TNFAIP8L3: variants seen among roughly 807,000 people sequenced by gnomAD.
The protein encoded by TNFAIP8L3 is TNF alpha induced protein 8 like 3.
Under a neutral mutation model 11.8 loss-of-function variants are expected in TNFAIP8L3, and 7 were observed. The ratio of observed to expected loss-of-function variants is 0.59; its 90% CI spans 0.34 to 1.11. The LOEUF (loss-of-function observed/expected upper bound fraction) is 1.11. Ranked by LOEUF, TNFAIP8L3 falls within the 50% of genes most tolerant of loss-of-function variation. The pLI is 0.03. For synonymous variants in TNFAIP8L3, 98 were observed against 103.8 expected (o/e 0.94, Z 0.34); for missense variants, 219 against 258.6 (o/e 0.85, Z 1.05).
chr15:51,100,824 A>C (rs2065545825), intron 1 of TNFAIP8L3, among the ~76,000 whole-genome samples: 1 of 151,976 alleles, frequency 6.6e-6, no homozygotes, highest in African/African-American at 2.4e-5. Context: ...GTAGAGACTT[A>C]GATTCTAGGC....
chr15:51,093,726 G>C (rs1370282057), intron 1 of TNFAIP8L3, among the ~76,000 whole-genome samples: 1 of 152,170 alleles, frequency 6.6e-6, no homozygotes, highest in Non-Finnish European at 1.5e-5. Context: ...ACCCGTGGGT[G>C]GGGGGCGGAG....
rs1555468325 is a variant in TNFAIP8L3 at position 51,087,919 on chromosome 15, T to TATATATA, written c.52+6624_52+6625insTATATAT. Among the ~76,000 whole-genome samples the TATATATA allele has an allele frequency of 2.9e-4, 29 of 101,552 alleles. 1 individual carries two copies. In the South Asian group the frequency reaches 9.7e-3, roughly 34 times the overall value. 66.6% of individuals were successfully genotyped at this position (101,552 alleles called of 152,430 possible). On this transcript the variant is annotated intron_variant, in intron 1 of 1. Transcript: ENST00000637513. ...AAAATAAAATTTTTCTAGCATACCTTTATATATATATATATATATATATGG... is the reference window on the plus strand; with the variant it reads ...AAAATAAAATTTTTCTAGCATACCTTATATATATATATATATATATATATATATATGG...
rs1248024709 is a variant in TNFAIP8L3 at position 51,094,769 on chromosome 15, G to A, written c.-174C>T. On this transcript the variant is annotated 5_prime_UTR_variant, in exon 1 of 2. Coordinates refer to ENST00000637513, the MANE Select transcript of TNFAIP8L3 (RefSeq NM_001311175.2). This position sits in a 1 kb window ranked among gnomAD's most constrained non-coding sequence, Gnocchi z 4.4. Reference sequence around the variant, plus strand: ...AGGGGGCGGCTCCGCAGAGGCGAGCGCCGCCGCGCCCCGCTCCCCGCGCCC... The same window carrying A: ...AGGGGGCGGCTCCGCAGAGGCGAGCACCGCCGCGCCCCGCTCCCCGCGCCC... The A allele has an allele frequency of 2.5e-5, 19 of 749,874 alleles. No homozygotes were observed. The highest frequency in any genetic ancestry group is 3.0e-4 in the East Asian group (1 of 3,364). The allele number at this position is 749,874 out of a possible 1,614,324, so 46.5% of individuals were successfully genotyped here. A position where few individuals can be genotyped will look rare whatever the true frequency, so the allele number is the denominator to read the frequency against.
intron 1 of TNFAIP8L3, among the ~76,000 whole-genome samples, chr15:51,059,028 C>T (rs2065225304): frequency 6.6e-6 from 1 of 152,186 alleles, no homozygotes; most frequent in Admixed American, 6.5e-5. Flanking sequence ...AGCTGTTGTG[C>T]TGTGGTTGTT....
intron 1 of TNFAIP8L3, among the ~76,000 whole-genome samples, chr15:51,093,773 C>A (rs895817528): frequency 3.9e-5 from 6 of 152,096 alleles, no homozygotes; most frequent in Non-Finnish European, 8.8e-5. Context: ...GGCGGCAAGT[C>A]GACCCACGGC....
chr15:51,068,660 G>GTTTTTTTTTTTT (rs113982459), intron 1 of TNFAIP8L3, among the ~76,000 whole-genome samples: 2 of 116,342 alleles, frequency 1.7e-5, no homozygotes, highest in African/African-American at 3.2e-5. Flanking sequence ...CACCCCTCCT[G>GTTTTTTTTTTTT]TTTTTTTTTT....
At chr15:51,093,396 A>G (rs1004318111) in intron 1 of TNFAIP8L3, among the ~76,000 whole-genome samples, 3 of 152,170 alleles carry the variant, frequency 2.0e-5, no homozygotes, top group African/African-American at 7.2e-5. Flanking sequence ...TCTCTGTAAA[A>G]TGAAAATAAC....
chr15:51,098,036 T>C (rs944434317), upstream of TNFAIP8L3, among the ~76,000 whole-genome samples: 1 of 152,232 alleles, frequency 6.6e-6, no homozygotes, highest in Non-Finnish European at 1.5e-5. Flanking sequence ...TATACGAGTT[T>C]CTACCACTCA....
upstream of TNFAIP8L3, among the ~76,000 whole-genome samples, chr15:51,098,714 A>T (rs564142758): frequency 6.6e-6 from 1 of 152,384 alleles, no homozygotes; most frequent in Non-Finnish European, 1.5e-5. Context: ...AATTGCAGTC[A>T]CGGTTAACAT....
intron 1 of TNFAIP8L3, among the ~76,000 whole-genome samples, chr15:51,082,215 A>G (rs922894341): frequency 1.3e-5 from 2 of 152,194 alleles, no homozygotes; most frequent in African/African-American, 4.8e-5. Context: ...GGTCAAGCCC[A>G]CTACCACCTA....
chr15:51,090,885 A>T (rs57322405), intron 1 of TNFAIP8L3, among the ~76,000 whole-genome samples: 2,648 of 152,246 alleles, frequency 0.017, 95 homozygotes, highest in African/African-American at 0.061. Context: ...GAAGGAGCTT[A>T]TCTGCCCTCA....
intron 1 of TNFAIP8L3, among the ~76,000 whole-genome samples, chr15:51,066,214 G>C (rs185279710): frequency 1.3e-5 from 2 of 151,280 alleles, no homozygotes; most frequent in African/African-American, 4.9e-5. Context: ...CCAGGCTGGA[G>C]GGCAGTGGCA....
chr15:51,086,014 GTTC>G (rs2065425031), intron 1 of TNFAIP8L3, among the ~76,000 whole-genome samples: 1 of 152,154 alleles, frequency 6.6e-6, no homozygotes, highest in Admixed American at 6.5e-5. Flanking sequence ...TGAATGTCAA[GTTC>G]TTTTCACTAT....
intron 1 of TNFAIP8L3, among the ~76,000 whole-genome samples, chr15:51,101,984 A>T (rs1413844664): frequency 6.6e-6 from 1 of 151,972 alleles, no homozygotes; most frequent in Non-Finnish European, 1.5e-5. Flanking sequence ...AAGAAAAGAA[A>T]ATAAGTAAAA....
chr15:51,104,257 T>G (rs978937728), intron 1 of TNFAIP8L3, among the ~76,000 whole-genome samples: 3 of 152,146 alleles, frequency 2.0e-5, no homozygotes, highest in Non-Finnish European at 4.4e-5. Flanking sequence ...TCCCAGCTCT[T>G]TCCTGTGTCT....
At chr15:51,103,812 A>G (rs544484452) in intron 1 of TNFAIP8L3, among the ~76,000 whole-genome samples, 1 of 152,338 alleles carries the variant, frequency 6.6e-6, no homozygotes, top group South Asian at 2.1e-4. Context: ...CTCTTGATGA[A>G]ATTCGTAAGT....
At chr15:51,065,845 G>C (rs1397725513) in intron 1 of TNFAIP8L3, among the ~76,000 whole-genome samples, 1 of 152,196 alleles carries the variant, frequency 6.6e-6, no homozygotes, top group African/African-American at 2.4e-5. Flanking sequence ...GATAATGGCA[G>C]GGAAGAGAAT....
In TNFAIP8L3 at chr15:51,070,052, C is replaced by G. The variant is rs977030530; in HGVS notation, c.53-11609G>C. 3.3e-5 allele frequency among the ~76,000 whole-genome samples: 5 copies of G among 152,312 alleles called. No individual in the cohort carries two copies. The East Asian group carries it at 9.6e-4, about 29-fold the overall frequency. The stretch of plus-strand genomic sequence containing the variant: ...CATCAAGACTTGAAGATAGATGTAG[C>G]TTTCATTTTTAGAGGGAATTCTGTA... On this transcript the variant is annotated intron_variant, in intron 1 of 1. Transcript: ENST00000637513.
At chr15:51,059,405 G>A (rs1335984420) in intron 1 of TNFAIP8L3, among the ~76,000 whole-genome samples, 1 of 152,282 alleles carries the variant, frequency 6.6e-6, no homozygotes, top group Middle Eastern at 3.4e-3. Context: ...ATAATTTATA[G>A]CGTATTTTTT....
Sources: gnomAD v4.1 joint callset for allele counts (sites outside exome capture counted in the v4.1 genomes callset) on GRCh38, gnomAD v4.1.1 for gene constraint, Gnocchi (gnomAD v3.1) non-coding constraint, MANE v1.5 for transcripts, NCBI Gene and HGNC (gene_info 2026-07-23, HGNC 2026-07-21) for gene names.